Variants in NEURL1B observed in about 807,000 individuals in gnomAD.
The protein encoded by NEURL1B is E3 ubiquitin-protein ligase NEURL1B.
A neutral mutation model predicts 37.4 loss-of-function variants in NEURL1B; 13 were observed. That is an observed-to-expected ratio of 0.35 (90% CI 0.23 to 0.55). The LOEUF is 0.55. NEURL1B is among the 20% of genes least tolerant of loss of function. The pLI, the probability that NEURL1B is intolerant of heterozygous loss-of-function variation, is 0.89. For synonymous variants in NEURL1B, 432 were observed against 426.6 expected, an observed-to-expected ratio of 1.01 and a Z score of -0.16; for missense variants, 790 against 879.2, an observed-to-expected ratio of 0.90 and a Z score of 1.28.
chr5:172,641,367 C>G lies in NEURL1B; in HGVS notation c.-40C>G, dbSNP rs1207096610. The stretch of plus-strand genomic sequence containing the variant: ...CCGCCGCGTAATTAGCCTCCGCGCG[C>G]CCAGAGCGCGCCGCCGCCAACGCCG... On this transcript the variant is annotated 5_prime_UTR_variant, in exon 1 of 5. Transcript: ENST00000369800. The surrounding 1 kb of genome is among the most constrained non-coding windows in gnomAD (Gnocchi z 6.4). 7.2e-7 allele frequency: 1 copy of G among 1,383,436 alleles called. No individual in the cohort carries two copies. The highest frequency in any genetic ancestry group is 1.5e-5 in the African/African-American group (1 of 66,350). 85.7% of individuals were successfully genotyped at this position (1,383,436 alleles called of 1,614,324 possible). A position where few individuals can be genotyped will look rare whatever the true frequency, so the allele number is the denominator to read the frequency against.
At chr5:172,677,911 G>A (rs891415826) in intron 2 of NEURL1B, among the ~76,000 whole-genome samples, 1 of 152,104 alleles carries the variant, frequency 6.6e-6, no homozygotes, top group Non-Finnish European at 1.5e-5. Flanking sequence ...TGCTGGTTAT[G>A]CCACCCTCTC....
At position 172,665,157 on chromosome 5, in the gene NEURL1B, G is replaced by A. The variant is rs929783770; in HGVS notation, c.32-4628G>A. Among the ~76,000 whole-genome samples the A allele has an allele frequency of 1.3e-5, 2 of 152,344 alleles. No homozygotes were observed. The highest frequency in any genetic ancestry group is 1.9e-4 in the East Asian group (1 of 5,192). On this transcript the variant is annotated intron_variant, in intron 1 of 4. Coordinates refer to ENST00000369800, the MANE Select transcript of NEURL1B (RefSeq NM_001142651.3). This position sits in a 1 kb window ranked among gnomAD's most constrained non-coding sequence, Gnocchi z 4.1. ...TAATCAAATAAGGGTGGCCATGGAC[G>A]CTGGTGCTCAGAAGGGCTTTTGATA...
At chr5:172,652,396 A>C (rs1757684450) in intron 1 of NEURL1B, among the ~76,000 whole-genome samples, 1 of 152,290 alleles carries the variant, frequency 6.6e-6, no homozygotes, top group Admixed American at 6.5e-5. Context: ...TGCAGACGGA[A>C]TATTTGATCC....
rs1429691697 is a variant in NEURL1B, at chr5:172,661,945, G to T, written c.32-7840G>T. 6.6e-6 allele frequency among the ~76,000 whole-genome samples: 1 copy of T among 152,198 alleles called. No individual in the cohort carries two copies. The highest frequency in any genetic ancestry group is 6.5e-5 in the Admixed American group (1 of 15,290). On this transcript the variant is annotated intron_variant, in intron 1 of 4. Transcript: ENST00000369800. The surrounding 1 kb of genome is among the most constrained non-coding windows in gnomAD (Gnocchi z 4.0). ...ATAGGCTTCTGTCCTTGGACACCAA[G>T]GGGAAGCAACCCCAGGGTTTTCAAG...
At chr5:172,664,441 A>C (rs1757969839) in intron 1 of NEURL1B, among the ~76,000 whole-genome samples, 1 of 152,060 alleles carries the variant, frequency 6.6e-6, no homozygotes, top group Non-Finnish European at 1.5e-5. Context: ...GGACTGGGAC[A>C]ATGAAAAATG....
intron 3 of NEURL1B, 21 bp downstream of exon 3, chr5:172,684,159 G>A: frequency 1.6e-6 from 2 of 1,222,128 alleles, no homozygotes; most frequent in Non-Finnish European, 2.0e-6. Context: ...GGCCCCGCGT[G>A]CGCGAGGCCC....
chr5:172,678,144 C>T (rs1307017199), intron 2 of NEURL1B, among the ~76,000 whole-genome samples: 1 of 152,086 alleles, frequency 6.6e-6, no homozygotes, highest in East Asian at 1.9e-4. Context: ...CCTACCTGTC[C>T]TCCCTATGTT....
In NEURL1B at chr5:172,660,023, T is replaced by C. The variant is rs1018271310; in HGVS notation, c.32-9762T>C. Among the ~76,000 whole-genome samples, 7 of 152,302 alleles carry C rather than the reference T, an allele frequency of 4.6e-5. No individual in the cohort carries two copies. The South Asian group carries it at 8.3e-4, about 18-fold the overall frequency. ...CGAGGGGGCGGGGACAGTGTGTGAC[T>C]TGTCAGTGCATGTACCCGGCAGCCA... is the stretch of plus-strand genomic sequence containing the variant. On this transcript the variant is annotated intron_variant, in intron 1 of 4. Transcript: ENST00000369800.
rs1319738029 is a variant in NEURL1B at position 172,689,509 on chromosome 5, T to C, written c.*2584T>C. 1 of 152,224 alleles carries C rather than the reference T, an allele frequency of 6.6e-6. No homozygotes were observed. The highest frequency in any genetic ancestry group is 2.4e-5 in the African/African-American group (1 of 41,462). 9.4% of individuals were successfully genotyped at this position (152,224 alleles called of 1,614,324 possible). A position where few individuals can be genotyped will look rare whatever the true frequency, so the allele number is the denominator to read the frequency against. On this transcript the variant is annotated 3_prime_UTR_variant, in exon 5 of 5. Coordinates refer to ENST00000369800, the MANE Select transcript of NEURL1B (RefSeq NM_001142651.3). ...TAAGATGCTACAACTGTACAGTTCCTTCCAATCAGAGATGTTCACGTGTGA... is the reference window on the plus strand; with the variant it reads ...TAAGATGCTACAACTGTACAGTTCCCTCCAATCAGAGATGTTCACGTGTGA...
At chr5:172,670,413 C>G in intron 2 of NEURL1B, 83 bp downstream of exon 2, 1 of 1,149,698 alleles carries the variant, frequency 8.7e-7, no homozygotes, top group South Asian at 2.4e-5. Context: ...TAGCCACAGT[C>G]ACTTATGGAG....
At position 172,663,435 on chromosome 5, in the gene NEURL1B, C is replaced by T. The variant is rs188840437; in HGVS notation, c.32-6350C>T. Among the ~76,000 whole-genome samples, 8 of 150,898 alleles carry T rather than the reference C, an allele frequency of 5.3e-5. No individual in the cohort carries two copies. The East Asian group carries it at 1.2e-3, about 22-fold the overall frequency. ...ACTCAGGAGGCTGAGGCAGGAGAATCGCTCGAACCCGGGAGGCGGATGTTG... is the reference window on the plus strand; with the variant it reads ...ACTCAGGAGGCTGAGGCAGGAGAATTGCTCGAACCCGGGAGGCGGATGTTG... On this transcript the variant is annotated intron_variant, in intron 1 of 4. Coordinates refer to ENST00000369800, the MANE Select transcript of NEURL1B (RefSeq NM_001142651.3).
intron 2 of NEURL1B, among the ~76,000 whole-genome samples, chr5:172,679,629 A>G (rs187080282): frequency 1.1e-3 from 172 of 152,356 alleles, no homozygotes; most frequent in African/African-American, 3.9e-3. Flanking sequence ...TCCACAAAGA[A>G]TAAGTGAGGC....
intron 1 of NEURL1B, among the ~76,000 whole-genome samples, chr5:172,643,772 G>A (rs1414354623): frequency 4.6e-5 from 7 of 152,206 alleles, no homozygotes; most frequent in Non-Finnish European, 8.8e-5. Flanking sequence ...GGACACATGC[G>A]TGGGGTTCTT....
In NEURL1B at chr5:172,663,829, T is replaced by TTTTTTTATTATTATTA. The variant is rs138220033; in HGVS notation, c.32-5954_32-5953insTTTTATTATTATTATT. 3.6e-5 allele frequency among the ~76,000 whole-genome samples: 5 copies of TTTTTTTATTATTATTA among 140,826 alleles called. No homozygotes were observed. In the South Asian group the frequency reaches 7.0e-4, roughly 20 times the overall value. 92.4% of individuals were successfully genotyped at this position (140,826 alleles called of 152,430 possible). A position where few individuals can be genotyped will look rare whatever the true frequency, so the allele number is the denominator to read the frequency against. On this transcript the variant is annotated intron_variant, in intron 1 of 4. Transcript: ENST00000369800. ...TTCCTGGCAAAAGAGGTTTTATTTG[T>TTTTTTTATTATTATTA]TTATTATTATTATTATTATTATTAT...
chr5:172,654,179 T>TA (rs1409746065), intron 1 of NEURL1B, among the ~76,000 whole-genome samples: 3 of 152,276 alleles, frequency 2.0e-5, no homozygotes, highest in Admixed American at 2.0e-4. Context: ...CCTTTGCTGT[T>TA]AATAAAACCT....
intron 2 of NEURL1B, among the ~76,000 whole-genome samples, chr5:172,679,685 C>G (rs1013648348): frequency 6.6e-6 from 1 of 152,338 alleles, no homozygotes; most frequent in Non-Finnish European, 1.5e-5. Flanking sequence ...GTACCCAGCA[C>G]AATGTCACAT....
chr5:172,651,531 G>A (rs1320207107), intron 1 of NEURL1B, among the ~76,000 whole-genome samples: 3 of 152,164 alleles, frequency 2.0e-5, no homozygotes, highest in East Asian at 1.9e-4. Context: ...CATTAGGGGC[G>A]GTGTTGTTTG....
In NEURL1B at chr5:172,683,472, A is replaced by G; in HGVS notation, c.631A>G (p.Ser211Gly). The G allele has an allele frequency of 6.7e-7, 1 of 1,485,282 alleles. No individual in the cohort carries two copies. The highest frequency in any genetic ancestry group is 8.9e-7 in the Non-Finnish European group (1 of 1,121,486). 92.0% of individuals were successfully genotyped at this position (1,485,282 alleles called of 1,614,324 possible). A position where few individuals can be genotyped will look rare whatever the true frequency, so the allele number is the denominator to read the frequency against. Residue 211 changes from serine (S) to glycine (G), a missense_variant, in exon 3 of 5, where the codon AGC (serine) becomes GGC (glycine). Physicochemically the swap from Ser to Gly is moderately conservative, Grantham distance 56. This residue lies in a region of NEURL1B where 460 missense variants were observed against 407.4 expected (regional missense o/e 1.13). Transcript: ENST00000369800. The surrounding 1 kb of genome is among the most constrained non-coding windows in gnomAD (Gnocchi z 5.6). ...TPARLSQARF[S>G]ACLPPSSHDA... ...CGCGCGCCTCAGCCAGGCCCGCTTC[A>G]GCGCCTGCCTGCCGCCCAGCAGCCA...
chr5:172,678,805 A>G (rs750036709), intron 2 of NEURL1B, among the ~76,000 whole-genome samples: 5 of 152,206 alleles, frequency 3.3e-5, no homozygotes, highest in African/African-American at 7.2e-5. Context: ...TGATTGATGG[A>G]TATGTTTCTC....
Sources: gnomAD v4.1 joint callset for allele counts (sites outside exome capture counted in the v4.1 genomes callset) on GRCh38, gnomAD v4.1.1 for gene constraint, gnomAD v4.1.1 regional missense constraint, Gnocchi (gnomAD v3.1) non-coding constraint, MANE v1.5 for transcripts, NCBI Gene and HGNC (gene_info 2026-07-23, HGNC 2026-07-21) for gene names.